PPM1L: variants seen among roughly 807,000 people sequenced by gnomAD.
PPM1L encodes the protein protein phosphatase, Mg2+/Mn2+ dependent 1L.
A neutral mutation model predicts 31.4 loss-of-function variants in PPM1L; 13 were observed. That is an observed-to-expected ratio of 0.41 (90% CI 0.27 to 0.66). PPM1L has a LOEUF of 0.66. PPM1L is among the 30% of genes least tolerant of loss of function. The pLI is 0.29. For synonymous variants in PPM1L, 184 were observed against 175.4 expected (o/e 1.05, Z -0.39); for missense variants, 326 against 453.7 (o/e 0.72, Z 2.56).
At chr3:160,855,581 A>G (rs1711673136) in intron 1 of PPM1L, among the ~76,000 whole-genome samples, 1 of 152,222 alleles carries the variant, frequency 6.6e-6, no homozygotes, top group East Asian at 1.9e-4. Context: ...ACACGTTTCA[A>G]AAGACACCAA....
chr3:161,068,732 T>G (rs1719818068), intron 3 of PPM1L, 79 bp from the exon 4 acceptor site: 1 of 1,200,072 alleles, frequency 8.3e-7, no homozygotes, highest in African/African-American at 1.5e-5. Context: ...TAGGTCACCC[T>G]GTTGCGCACG....
At chr3:161,002,351 C>G (rs1239391991) in intron 2 of PPM1L, among the ~76,000 whole-genome samples, 1 of 152,046 alleles carries the variant, frequency 6.6e-6, no homozygotes, top group Non-Finnish European at 1.5e-5. Flanking sequence ...GGGTATATAC[C>G]CAGTAATGGG....
intron 1 of PPM1L, among the ~76,000 whole-genome samples, chr3:160,850,690 G>C (rs890510135): frequency 6.6e-6 from 1 of 152,074 alleles, no homozygotes; most frequent in Admixed American, 6.6e-5. Context: ...TGTGCACATG[G>C]ATACTGGGCA....
At chr3:161,015,053 G>A (rs747317450) in intron 2 of PPM1L, among the ~76,000 whole-genome samples, 11 of 151,610 alleles carry the variant, frequency 7.3e-5, no homozygotes, top group Non-Finnish European at 1.3e-4. Context: ...TCTTTTAGGT[G>A]TGTGTAGGGC....
At chr3:160,945,057 CTA>C (rs974330907) in intron 1 of PPM1L, among the ~76,000 whole-genome samples, 1 of 106,994 alleles carries the variant, frequency 9.3e-6, no homozygotes, top group African/African-American at 3.4e-5. Flanking sequence ...TTATATATAA[CTA>C]TATATAACAT....
intron 1 of PPM1L, among the ~76,000 whole-genome samples, chr3:160,945,434 T>C (rs1715379553): frequency 6.6e-6 from 1 of 152,132 alleles, no homozygotes; most frequent in Non-Finnish European, 1.5e-5. Context: ...TCTCATGTGC[T>C]AACTTTGATT....
chr3:161,053,150 AT>A (rs1719323591), intron 2 of PPM1L, among the ~76,000 whole-genome samples: 1 of 152,216 alleles, frequency 6.6e-6, no homozygotes, highest in South Asian at 2.1e-4. Flanking sequence ...CATGAAATTA[AT>A]TTTATTTACC....
intron 2 of PPM1L, among the ~76,000 whole-genome samples, chr3:161,044,068 C>T (rs1251374691): frequency 2.0e-5 from 3 of 152,170 alleles, no homozygotes; most frequent in Non-Finnish European, 4.4e-5. Context: ...GAGACGGAGT[C>T]TTGCTCTGTC....
chr3:160,946,009 T>A (rs1272546332), intron 1 of PPM1L, among the ~76,000 whole-genome samples: 1 of 152,196 alleles, frequency 6.6e-6, no homozygotes, highest in Non-Finnish European at 1.5e-5. Context: ...AGGTTATTAG[T>A]AGTTACATTT....
intron 2 of PPM1L, among the ~76,000 whole-genome samples, chr3:161,054,356 GA>G (rs1468867275): frequency 4.0e-5 from 6 of 150,982 alleles, no homozygotes; most frequent in Non-Finnish European, 7.4e-5. Context: ...CTTCCTCATT[GA>G]CTGACCTTGT....
At chr3:160,773,657 G>A (rs1711502830) in intron 1 of PPM1L, among the ~76,000 whole-genome samples, 1 of 152,136 alleles carries the variant, frequency 6.6e-6, no homozygotes, top group Admixed American at 6.5e-5. Context: ...AGTGCAGAGG[G>A]TAGCATGGAC....
intron 1 of PPM1L, among the ~76,000 whole-genome samples, chr3:160,961,122 A>G (rs1715951773): frequency 6.6e-6 from 1 of 152,164 alleles, no homozygotes; most frequent in Non-Finnish European, 1.5e-5. Flanking sequence ...TAAGGCATTT[A>G]AGTGGTGAAG....
chr3:161,008,939 T>G (rs567361877), intron 2 of PPM1L, among the ~76,000 whole-genome samples: 1 of 152,282 alleles, frequency 6.6e-6, no homozygotes, highest in South Asian at 2.1e-4. Context: ...GAGATGGTAT[T>G]TAAAGCCAGT....
At chr3:160,923,129 G>T (rs1714469167) in intron 1 of PPM1L, among the ~76,000 whole-genome samples, 1 of 152,108 alleles carries the variant, frequency 6.6e-6, no homozygotes, top group Non-Finnish European at 1.5e-5. Flanking sequence ...AAAGAAAAAA[G>T]TTCAGTTTTA....
chr3:161,031,270 T>G (rs1426126313), intron 2 of PPM1L, among the ~76,000 whole-genome samples: 1 of 152,204 alleles, frequency 6.6e-6, no homozygotes, highest in Admixed American at 6.5e-5. Flanking sequence ...ATGGTGGCTT[T>G]GTAGATTCCA....
At chr3:160,889,037 A>G (rs1713035437) in intron 1 of PPM1L, among the ~76,000 whole-genome samples, 1 of 152,260 alleles carries the variant, frequency 6.6e-6, no homozygotes, top group Non-Finnish European at 1.5e-5. Context: ...CTAAATGCCC[A>G]CATCAGAAAG....
At chr3:161,064,453 G>A (rs898577394) in intron 2 of PPM1L, among the ~76,000 whole-genome samples, 3 of 152,088 alleles carry the variant, frequency 2.0e-5, no homozygotes, top group African/African-American at 7.2e-5. Context: ...TCTTGTTATA[G>A]AATATGACCT....
chr3:160,762,660 G>A lies in PPM1L; in HGVS notation c.399+5953G>A, dbSNP rs564617946. ...GGAAATTTTGGATAATTTTGAAGAG[G>A]AACTGACATTTAATTGTATCCTAGC... On this transcript the variant is annotated intron_variant, in intron 1 of 3. Coordinates refer to ENST00000498165, the MANE Select transcript of PPM1L (RefSeq NM_139245.4). Among the ~76,000 whole-genome samples the A allele has an allele frequency of 2.0e-5, 3 of 152,264 alleles. No homozygotes were observed. In the East Asian group the frequency reaches 5.8e-4, roughly 29 times the overall value.
chr3:160,958,367 T>C (rs6807237), intron 1 of PPM1L, among the ~76,000 whole-genome samples: 1,865 of 152,330 alleles, frequency 0.012, 40 homozygotes, highest in African/African-American at 0.043. Context: ...GTTTCAATCT[T>C]CTGCATATGG....
Sources: gnomAD v4.1 joint callset for allele counts (sites outside exome capture counted in the v4.1 genomes callset) on GRCh38, gnomAD v4.1.1 for gene constraint, MANE v1.5 for transcripts, NCBI Gene and HGNC (gene_info 2026-07-23, HGNC 2026-07-21) for gene names.